The following ACTR2 variants were observed in gnomAD, a reference collection of about 807,000 sequenced individuals.
ACTR2 encodes the protein actin-related protein 2.
In ACTR2, 5 loss-of-function variants were observed where a neutral mutation model predicts 50.2. That is an observed-to-expected ratio of 0.10 (90% CI 0.05 to 0.21). The LOEUF (loss-of-function observed/expected upper bound fraction) is 0.21. Ranked by LOEUF, ACTR2 falls within the 10% of genes least tolerant of loss-of-function variation. ACTR2 has a pLI of 1.00. For missense variants in ACTR2, 180 were observed against 480.6 expected, an observed-to-expected ratio of 0.37 and a Z score of 5.85; for synonymous variants, 140 against 162.9, an observed-to-expected ratio of 0.86 and a Z score of 1.07.
intron 4 of ACTR2, among the ~76,000 whole-genome samples, chr2:65,251,605 C>T (rs1349895658): frequency 6.6e-6 from 1 of 152,176 alleles, no homozygotes; most frequent in Non-Finnish European, 1.5e-5. Context: ...AGGTAGTCCG[C>T]CCGCCTCAGC....
chr2:65,230,918 G>T (rs1235987031), intron 1 of ACTR2, among the ~76,000 whole-genome samples: 1 of 151,918 alleles, frequency 6.6e-6, no homozygotes, highest in Non-Finnish European at 1.5e-5. Context: ...GCCGGGTGTG[G>T]TTTCTGATGC....
At chr2:65,262,992 T>TA (rs11412556) in intron 7 of ACTR2, among the ~76,000 whole-genome samples, 45,917 of 145,910 alleles carry the variant, frequency 0.31, 7,754 homozygotes, top group East Asian at 0.72. Flanking sequence ...AGAAAGTTCC[T>TA]AAAAAAAAAA....
intron 1 of ACTR2, among the ~76,000 whole-genome samples, chr2:65,236,654 C>T (rs1671747287): frequency 6.6e-6 from 1 of 151,966 alleles, no homozygotes; most frequent in South Asian, 2.1e-4. Context: ...GATCTCAGCT[C>T]ACTGCAACCT....
chr2:65,266,099 C>T (rs1672368053), intron 8 of ACTR2, among the ~76,000 whole-genome samples: 1 of 152,166 alleles, frequency 6.6e-6, no homozygotes, highest in African/African-American at 2.4e-5. Context: ...GCAAACATTT[C>T]TTGAACTCCT....
intron 2 of ACTR2, among the ~76,000 whole-genome samples, chr2:65,241,362 A>G (rs964397936): frequency 6.6e-6 from 1 of 152,206 alleles, no homozygotes; most frequent in African/African-American, 2.4e-5. Context: ...CAACATAGGC[A>G]CAAATAACTA....
At chr2:65,228,240 G>A in intron 1 of ACTR2, 1 of 359,794 alleles carries the variant, frequency 2.8e-6, no homozygotes, top group Middle Eastern at 7.5e-4. Context: ...GCAGGGACCT[G>A]CTCCGCGCTA....
At chr2:65,242,248 T>C (rs572102502) in intron 2 of ACTR2, among the ~76,000 whole-genome samples, 4 of 152,320 alleles carry the variant, frequency 2.6e-5, no homozygotes, top group African/African-American at 9.6e-5. Context: ...TCCTATACTT[T>C]CCTGATTGCG....
At chr2:65,229,368 C>T (rs982210148) in intron 1 of ACTR2, among the ~76,000 whole-genome samples, 2 of 152,098 alleles carry the variant, frequency 1.3e-5, no homozygotes, top group African/African-American at 4.8e-5. Flanking sequence ...CATAATACTG[C>T]CCTTGATTAG....
intron 1 of ACTR2, among the ~76,000 whole-genome samples, chr2:65,230,908 G>T (rs1671625487): frequency 6.6e-6 from 1 of 151,938 alleles, no homozygotes; most frequent in Non-Finnish European, 1.5e-5. Flanking sequence ...ACAAAAATTA[G>T]CCGGGTGTGG....
chr2:65,243,507 C>T (rs1490234393), intron 2 of ACTR2, among the ~76,000 whole-genome samples: 1 of 151,918 alleles, frequency 6.6e-6, no homozygotes, highest in African/African-American at 2.4e-5. Flanking sequence ...GTGATATGTG[C>T]CTCCCAAGCA....
chr2:65,243,203 C>T (rs570513720), intron 2 of ACTR2, among the ~76,000 whole-genome samples: 8 of 151,994 alleles, frequency 5.3e-5, no homozygotes, highest in African/African-American at 1.4e-4. Context: ...CGCTTGAACC[C>T]GGGAGGCAGA....
intron 1 of ACTR2, among the ~76,000 whole-genome samples, chr2:65,233,273 G>A (rs1352442248): frequency 1.3e-5 from 2 of 151,924 alleles, no homozygotes; most frequent in Non-Finnish European, 2.9e-5. Flanking sequence ...GGGATTATAG[G>A]CGTGAGCACT....
intron 1 of ACTR2, among the ~76,000 whole-genome samples, chr2:65,228,747 GTTAGCCT>G (rs997373482): frequency 6.6e-6 from 1 of 152,034 alleles, no homozygotes; most frequent in African/African-American, 2.4e-5. Flanking sequence ...TACAGGTAAT[GTTAGCCT>G]TTAAGATTCA....
chr2:65,242,054 C>G, intron 2 of ACTR2: 1 of 1,607,086 alleles, frequency 6.2e-7, no homozygotes, highest in Non-Finnish European at 8.5e-7. Context: ...AGTAGAATAA[C>G]AAAAAGATGG....
rs268871 is a variant in ACTR2, at chr2:65,253,874, A to T, written c.585+10A>T. The T allele has an allele frequency of 1.1e-5, 17 of 1,602,684 alleles. No individual in the cohort carries two copies. The highest frequency in any genetic ancestry group is 4.4e-5 in the South Asian group (4 of 90,136). ...TAGATATCTTATCAAGGTAAGTGAA[A>T]GGAAAATATCATGGAAATTAAATTT... On this transcript the variant is annotated intron_variant, in intron 5 of 8. Transcript: ENST00000260641.
intron 2 of ACTR2, chr2:65,246,219 GATGAA>G (rs1242568350): frequency 5.0e-6 from 1 of 200,112 alleles, no homozygotes; most frequent in Non-Finnish European, 1.0e-5. Context: ...AAAAGAAACA[GATGAA>G]ACCTCATACA....
chr2:65,259,715 C>T (rs914884722), intron 6 of ACTR2, among the ~76,000 whole-genome samples: 2 of 151,966 alleles, frequency 1.3e-5, no homozygotes, highest in African/African-American at 2.4e-5. Flanking sequence ...GGCAACAGAG[C>T]GAGACTCTGT....
chr2:65,257,246 C>T (rs1264882210), intron 6 of ACTR2, among the ~76,000 whole-genome samples: 1 of 152,138 alleles, frequency 6.6e-6, no homozygotes, highest in African/African-American at 2.4e-5. Flanking sequence ...TGGTTTCCAG[C>T]TTCACCCATG....
At chr2:65,245,964 A>T (rs1185905952) in intron 2 of ACTR2, among the ~76,000 whole-genome samples, 2 of 150,658 alleles carry the variant, frequency 1.3e-5, no homozygotes, top group African/African-American at 4.9e-5. Flanking sequence ...TTAAATTCTT[A>T]TTCAGGCATA....
Sources: gnomAD v4.1 joint callset for allele counts (sites outside exome capture counted in the v4.1 genomes callset) on GRCh38, gnomAD v4.1.1 for gene constraint, MANE v1.5 for transcripts, NCBI Gene and HGNC (gene_info 2026-07-23, HGNC 2026-07-21) for gene names.